TPRG1: variants seen among roughly 807,000 people sequenced by gnomAD.
The protein encoded by TPRG1 is tumor protein p63 regulated 1, also known as tumor protein p63-regulated gene 1 protein.
Under a neutral mutation model 29.3 loss-of-function variants are expected in TPRG1, and 29 were observed. That is an observed-to-expected ratio of 0.99 (90% confidence interval 0.74 to 1.35). The LOEUF is 1.35. TPRG1 is among the 40% of genes most tolerant of loss of function. The pLI, the probability that TPRG1 is intolerant of heterozygous loss-of-function variation, is 0.00. For missense variants in TPRG1, 327 were observed against 335.0 expected, an observed-to-expected ratio of 0.98 and a Z score of 0.19; for synonymous variants, 130 against 116.8, an observed-to-expected ratio of 1.11 and a Z score of -0.73.
intron 3 of TPRG1, among the ~76,000 whole-genome samples, chr3:189,009,697 A>C (rs1712492427): frequency 6.6e-6 from 1 of 152,024 alleles, no homozygotes; most frequent in Non-Finnish European, 1.5e-5. Context: ...AATAGAAATA[A>C]ATATAATATT....
At chr3:189,055,005 T>G (rs1715571849) in intron 4 of TPRG1, among the ~76,000 whole-genome samples, 1 of 152,010 alleles carries the variant, frequency 6.6e-6, no homozygotes, top group Admixed American at 6.5e-5. Flanking sequence ...TAAAGTGGAG[T>G]GCATTAAAAT....
chr3:189,174,317 A>G, intron 1 of TPRG1, among the ~76,000 whole-genome samples: 1 of 152,196 alleles, frequency 6.6e-6, no homozygotes, highest in Non-Finnish European at 1.5e-5. Context: ...AAATCCAGAT[A>G]TCTTGTTTTC....
chr3:189,027,293 A>G (rs2152127944), intron 4 of TPRG1, among the ~76,000 whole-genome samples: 1 of 152,336 alleles, frequency 6.6e-6, no homozygotes, highest in Non-Finnish European at 1.5e-5. Context: ...CTGCCAAAAG[A>G]AACCAAAATA....
intron 4 of TPRG1, among the ~76,000 whole-genome samples, chr3:189,148,500 A>T (rs1031760575): frequency 6.6e-6 from 1 of 152,210 alleles, no homozygotes; most frequent in Non-Finnish European, 1.5e-5. Flanking sequence ...CACTGTGGCA[A>T]AAAGGAGGAG....
chr3:189,256,903 C>A (rs965167738), intron 4 of TPRG1, among the ~76,000 whole-genome samples: 1 of 152,110 alleles, frequency 6.6e-6, no homozygotes, highest in Non-Finnish European at 1.5e-5. Flanking sequence ...TGTGTCTTTG[C>A]AAGTGAGATG....
chr3:189,255,210 T>C (rs1711618491), intron 4 of TPRG1, among the ~76,000 whole-genome samples: 1 of 152,198 alleles, frequency 6.6e-6, no homozygotes, highest in African/African-American at 2.4e-5. Flanking sequence ...AATACCTAGT[T>C]TATCGAGTGT....
At chr3:189,230,225 A>G (rs1738427377) in intron 3 of TPRG1, among the ~76,000 whole-genome samples, 1 of 152,152 alleles carries the variant, frequency 6.6e-6, no homozygotes, top group Non-Finnish European at 1.5e-5. Flanking sequence ...ATGGTAGTGC[A>G]GTAGAGAGAG....
At chr3:189,066,679 T>C (rs756510927) in intron 4 of TPRG1, among the ~76,000 whole-genome samples, 3 of 145,698 alleles carry the variant, frequency 2.1e-5, no homozygotes, top group Non-Finnish European at 3.0e-5. Context: ...CTCAATACAA[T>C]AAAAGCCATA....
At chr3:189,110,924 A>G (rs1447746345) in intron 1 of TPRG1, among the ~76,000 whole-genome samples, 4 of 151,474 alleles carry the variant, frequency 2.6e-5, no homozygotes, top group Non-Finnish European at 5.9e-5. Flanking sequence ...TTTATATTAT[A>G]TAATAGATAT....
At chr3:189,190,072 A>G (rs1731475682) in intron 1 of TPRG1, among the ~76,000 whole-genome samples, 1 of 152,236 alleles carries the variant, frequency 6.6e-6, no homozygotes, top group Non-Finnish European at 1.5e-5. Context: ...TAAGCACTAT[A>G]CAATGTCACC....
Position 189,164,396 on chromosome 3 carries a change from A to G in TPRG1, c.-10+13524A>G, listed in dbSNP as rs535288687. ...TGGGTAGTCTTGAACTCCTGATCTT[A>G]GGTGATCCACCCGCCTCGGCCTCCC... On this transcript the variant is annotated intron_variant, in intron 5 of 6. Transcript: ENST00000412373. 3.6e-3 allele frequency among the ~76,000 whole-genome samples: 541 copies of G among 152,192 alleles called. 3 individuals carry two copies. Among genetic ancestry groups the G allele is most frequent in the Non-Finnish European group, 6.6e-3 (447 of 68,000 alleles).
chr3:189,188,408 G>A (rs1731235806), intron 1 of TPRG1, among the ~76,000 whole-genome samples: 1 of 152,204 alleles, frequency 6.6e-6, no homozygotes, highest in Admixed American at 6.5e-5. Context: ...TTTTGAGCCT[G>A]GCTTGTGTTG....
At position 189,322,765 on chromosome 3, in the gene TPRG1, A is replaced by G. The variant is rs768822626; in HGVS notation, c.*1945A>G. 1 of 152,194 alleles carries G rather than the reference A, an allele frequency of 6.6e-6. No individual in the cohort carries two copies. The highest frequency in any genetic ancestry group is 2.4e-5 in the African/African-American group (1 of 41,396). The allele number at this position is 152,194 out of a possible 1,614,324, so 9.4% of individuals were successfully genotyped here. A position where few individuals can be genotyped will look rare whatever the true frequency, so the allele number is the denominator to read the frequency against. ...ACCTAAGCCAGACTGTTCCCAAATG[A>G]CCTTCTAAAGGACACAGTGCACCAT... On this transcript the variant is annotated 3_prime_UTR_variant, in exon 6 of 6. Coordinates refer to ENST00000345063, the MANE Select transcript of TPRG1 (RefSeq NM_198485.4).
intron 4 of TPRG1, among the ~76,000 whole-genome samples, chr3:189,295,092 C>G: frequency 6.6e-6 from 1 of 152,230 alleles, no homozygotes; most frequent in Admixed American, 6.5e-5. Context: ...TTTCTCCAAT[C>G]TTTGAATGAC....
intron 3 of TPRG1, among the ~76,000 whole-genome samples, chr3:189,134,910 G>A (rs989723999): frequency 2.0e-5 from 3 of 152,124 alleles, no homozygotes; most frequent in Admixed American, 2.0e-4. Flanking sequence ...AGGAATGTAC[G>A]CAGTTTTCTA....
At chr3:189,301,775 G>A (rs370477762) in intron 4 of TPRG1, among the ~76,000 whole-genome samples, 3 of 152,230 alleles carry the variant, frequency 2.0e-5, no homozygotes, top group East Asian at 1.9e-4. Flanking sequence ...ATGCCTCTTC[G>A]TTCTCTAGTT....
intron 2 of TPRG1, among the ~76,000 whole-genome samples, chr3:189,130,006 TC>T (rs1722927621): frequency 6.6e-6 from 1 of 152,200 alleles, no homozygotes; most frequent in African/African-American, 2.4e-5. Context: ...ATAAAACTTC[TC>T]AGCTGAATGT....
At chr3:189,244,637 G>A (rs1411050281) in intron 4 of TPRG1, among the ~76,000 whole-genome samples, 5 of 152,070 alleles carry the variant, frequency 3.3e-5, no homozygotes, top group Non-Finnish European at 5.9e-5. Flanking sequence ...TCACTATCAT[G>A]AGGAGAGTAC....
chr3:189,185,568 C>T (rs1025139088), intron 1 of TPRG1, among the ~76,000 whole-genome samples: 13 of 151,916 alleles, frequency 8.6e-5, no homozygotes, highest in Middle Eastern at 3.4e-3. Context: ...TTTTTTTTTC[C>T]TGTCAGTCCT....
Sources: gnomAD v4.1 joint callset for allele counts (sites outside exome capture counted in the v4.1 genomes callset) on GRCh38, gnomAD v4.1.1 for gene constraint, MANE v1.5 for transcripts, NCBI Gene and HGNC (gene_info 2026-07-23, HGNC 2026-07-21) for gene names.